The following FGGY variants were observed in gnomAD, a reference collection of about 807,000 sequenced individuals.
The protein encoded by FGGY is FGGY carbohydrate kinase domain containing.
Under a neutral mutation model 71.3 loss-of-function variants are expected in FGGY, and 72 were observed. The ratio of observed to expected loss-of-function variants is 1.01; its 90% confidence interval spans 0.84 to 1.23. The LOEUF is 1.23. Among genes scored for constraint, FGGY ranks in the 50% most tolerant of loss-of-function variants. The pLI is 0.00. For synonymous variants in FGGY, 251 were observed against 250.3 expected (o/e 1.00, Z -0.02); for missense variants, 668 against 682.3 (o/e 0.98, Z 0.23).
intron 14 of FGGY, among the ~76,000 whole-genome samples, chr1:59,719,105 C>T (rs1250028884): frequency 6.6e-6 from 1 of 152,186 alleles, no homozygotes; most frequent in African/African-American, 2.4e-5. Context: ...TGTGTTCAGC[C>T]ACCTTCTCAA....
At chr1:59,336,499 T>C (rs902304714) in intron 2 of FGGY, among the ~76,000 whole-genome samples, 1 of 151,046 alleles carries the variant, frequency 6.6e-6, no homozygotes, top group African/African-American at 2.5e-5. Context: ...TTTTTCACTT[T>C]AAGTTTTGGG....
chr1:59,599,610 C>T (rs967815137), intron 8 of FGGY, among the ~76,000 whole-genome samples: 1 of 146,350 alleles, frequency 6.8e-6, no homozygotes, highest in Non-Finnish European at 1.5e-5. Context: ...AGGAGAATCA[C>T]TTGAACCCAG....
intron 14 of FGGY, among the ~76,000 whole-genome samples, chr1:59,701,158 A>T (rs1193176643): frequency 6.6e-6 from 1 of 152,160 alleles, no homozygotes; most frequent in Non-Finnish European, 1.5e-5. Flanking sequence ...AATTGGCCTA[A>T]GAAAGGTTAT....
At chr1:59,570,083 A>G (rs2095956117) in intron 8 of FGGY, among the ~76,000 whole-genome samples, 1 of 152,318 alleles carries the variant, frequency 6.6e-6, no homozygotes, top group East Asian at 1.9e-4. Flanking sequence ...ATTAATGTGC[A>G]CAAAATATAC....
intron 14 of FGGY, among the ~76,000 whole-genome samples, chr1:59,709,650 G>A (rs2097780108): frequency 6.6e-6 from 1 of 152,192 alleles, no homozygotes; most frequent in Non-Finnish European, 1.5e-5. Flanking sequence ...GAAACATTTA[G>A]AGGCAAGCAC....
rs572791848 is a variant in FGGY, at chr1:59,571,225, G to A, written c.903+16998G>A. 1.4e-4 allele frequency among the ~76,000 whole-genome samples: 21 copies of A among 152,346 alleles called. No individual in the cohort carries two copies. The South Asian group carries it at 4.3e-3, about 32-fold the overall frequency. ...ATCACCATTTTGAAATAAGGAAAAT[G>A]TAGTCTGGTAGAAAACACATGGATG... On this transcript the variant is annotated intron_variant, in intron 8 of 15. Coordinates refer to ENST00000303721, the MANE Select transcript of FGGY (RefSeq NM_018291.5).
intron 5 of FGGY, among the ~76,000 whole-genome samples, chr1:59,450,988 T>G (rs935730398): frequency 6.6e-6 from 1 of 152,100 alleles, no homozygotes; most frequent in African/African-American, 2.4e-5. Flanking sequence ...TTTAACTGGT[T>G]GTGGAATTCA....
intron 7 of FGGY, among the ~76,000 whole-genome samples, chr1:59,536,383 C>T (rs926156666): frequency 2.0e-5 from 3 of 152,140 alleles, no homozygotes; most frequent in African/African-American, 4.8e-5. Context: ...GATTCACAGC[C>T]GAATTCTACC....
chr1:59,685,588 A>G (rs1248592784), intron 14 of FGGY, among the ~76,000 whole-genome samples: 1 of 152,192 alleles, frequency 6.6e-6, no homozygotes, highest in Non-Finnish European at 1.5e-5. Flanking sequence ...ATTCTGTATC[A>G]GGTAGGAGAA....
At chr1:59,733,792 C>T (rs543669201) in intron 14 of FGGY, among the ~76,000 whole-genome samples, 1 of 152,242 alleles carries the variant, frequency 6.6e-6, no homozygotes, top group African/African-American at 2.4e-5. Context: ...CCTCACTCTG[C>T]ATCCCCCTAA....
chr1:59,626,894 T>G (rs2096862276), intron 10 of FGGY: 1 of 150,848 alleles, frequency 6.6e-6, no homozygotes, highest in East Asian at 2.0e-4. Flanking sequence ...AACCAGAAAA[T>G]AATAAGATTA....
chr1:59,724,244 C>T (rs571701797), intron 14 of FGGY, among the ~76,000 whole-genome samples: 21 of 150,330 alleles, frequency 1.4e-4, no homozygotes, highest in Admixed American at 8.0e-4. Flanking sequence ...TTTGGGAGGC[C>T]GAGGCAGGCA....
chr1:59,311,242 TTTTTTTTTTTTTTAAAGATTC>T (rs2153095814), intron 1 of FGGY, among the ~76,000 whole-genome samples: 1 of 140,612 alleles, frequency 7.1e-6, no homozygotes, highest in East Asian at 2.0e-4. Flanking sequence ...AAACCTGAAA[TTTTTTTTTTTTTTAAAGATTC>T]TTTTTTTTCA....
At chr1:59,729,252 C>T (rs2097993005) in intron 14 of FGGY, among the ~76,000 whole-genome samples, 1 of 151,804 alleles carries the variant, frequency 6.6e-6, no homozygotes. Flanking sequence ...GCATTTTCGT[C>T]TCTCGTTACA....
intron 6 of FGGY, among the ~76,000 whole-genome samples, chr1:59,462,387 C>T (rs1001426825): frequency 6.6e-6 from 1 of 152,244 alleles, no homozygotes; most frequent in Admixed American, 6.5e-5. Flanking sequence ...CCATTCAGGA[C>T]ATAGGCATGG....
At chr1:59,451,679 G>A (rs1041130028) in intron 5 of FGGY, among the ~76,000 whole-genome samples, 1 of 152,078 alleles carries the variant, frequency 6.6e-6, no homozygotes, top group Non-Finnish European at 1.5e-5. Context: ...TCTTTCTCAA[G>A]TATTGTCCTC....
intron 7 of FGGY, among the ~76,000 whole-genome samples, chr1:59,550,594 G>A (rs1342867969): frequency 6.6e-6 from 1 of 152,110 alleles, no homozygotes; most frequent in Non-Finnish European, 1.5e-5. Flanking sequence ...TACTGAGAAT[G>A]GCTGAGGAAG....
intron 6 of FGGY, among the ~76,000 whole-genome samples, chr1:59,459,802 C>T (rs953859193): frequency 6.6e-5 from 10 of 152,162 alleles, no homozygotes; most frequent in African/African-American, 2.2e-4. Context: ...CTTTTTAATT[C>T]CTGGGAAAAT....
intron 14 of FGGY, among the ~76,000 whole-genome samples, chr1:59,727,986 G>T (rs2097969220): frequency 6.6e-6 from 1 of 151,858 alleles, no homozygotes; most frequent in Non-Finnish European, 1.5e-5. Context: ...ATCATCTCTG[G>T]CAATTTCTTT....
Sources: gnomAD v4.1 joint callset for allele counts (sites outside exome capture counted in the v4.1 genomes callset) on GRCh38, gnomAD v4.1.1 for gene constraint, MANE v1.5 for transcripts, NCBI Gene and HGNC (gene_info 2026-07-23, HGNC 2026-07-21) for gene names.